The following COL4A2 variants were observed in gnomAD, a reference collection of about 807,000 sequenced individuals.
COL4A2 encodes collagen alpha-2(IV) chain.
A neutral mutation model predicts 200.2 loss-of-function variants in COL4A2; 99 were observed. That is an observed-to-expected ratio of 0.49 (90% CI 0.42 to 0.58). The LOEUF (loss-of-function observed/expected upper bound fraction) is 0.58, where lower values mean the gene tolerates loss of function less well. COL4A2 is among the 20% of genes least tolerant of loss of function. The probability of loss-of-function intolerance (pLI) is 0.00; values close to 1 mark genes in which losing one functional copy is unlikely to be tolerated. For missense variants in COL4A2, 1,950 were observed against 2,314.1 expected, an observed-to-expected ratio of 0.84 and a Z score of 3.23; for synonymous variants, 897 against 900.6, an observed-to-expected ratio of 1.00 and a Z score of 0.07.
At chr13:110,376,537 GT>G (rs1187107387) in intron 4 of COL4A2, among the ~76,000 whole-genome samples, 1 of 151,988 alleles carries the variant, frequency 6.6e-6, no homozygotes, top group African/African-American at 2.4e-5. Context: ...TTTTATATTA[GT>G]TTTGGAAACT....
rs139019434 is a variant in COL4A2 at position 110,337,120 on chromosome 13, T to C, written c.100-20352T>C. 2.3e-3 allele frequency among the ~76,000 whole-genome samples: 350 copies of C among 152,334 alleles called. 2 individuals carry two copies. Among genetic ancestry groups the C allele is most frequent in the South Asian group, 0.023 (110 of 4,824 alleles). On this transcript the variant is annotated intron_variant, in intron 3 of 47. Coordinates refer to ENST00000360467, the MANE Select transcript of COL4A2 (RefSeq NM_001846.4). ...GATGCTGTTTTGTACACGTAGGACG[T>C]ATAATATATGCTCACTGCATTCAAT...
chr13:110,469,561 C>T (rs913757024), intron 28 of COL4A2, among the ~76,000 whole-genome samples: 6 of 152,146 alleles, frequency 3.9e-5, no homozygotes, highest in Non-Finnish European at 7.3e-5. Context: ...ACAGGTGTTT[C>T]GGAATGGCTG....
rs761371212 is a variant in COL4A2 at position 110,465,595 on chromosome 13, C to T, written c.1967C>T (p.Pro656Leu). The T allele has an allele frequency of 1.2e-6, 2 of 1,611,286 alleles. No homozygotes were observed. The highest frequency in any genetic ancestry group is 1.1e-5 in the South Asian group (1 of 90,900). ...GGCCCTCCTGGCCCCGCAGGGACCC[C>T]AGGACAAATAGGTATGAAGGAATCC... ...FLGPPGPAGT[P>L]GQIDCDTDVK... Residue 656 changes from proline to leucine, a missense_variant, in exon 25 of 48, where the codon CCA becomes CTA. By Grantham distance (98) the Pro-to-Leu change is moderately conservative. Coordinates refer to ENST00000360467, the MANE Select transcript of COL4A2 (RefSeq NM_001846.4).
chr13:110,476,682 C>T (rs1472574938), intron 29 of COL4A2, among the ~76,000 whole-genome samples: 1 of 152,224 alleles, frequency 6.6e-6, no homozygotes, highest in Non-Finnish European at 1.5e-5. Context: ...GTGTGCACCT[C>T]CGGTGTTAAT....
intron 20 of COL4A2, among the ~76,000 whole-genome samples, chr13:110,451,858 C>T (rs1476786887): frequency 2.0e-5 from 3 of 152,290 alleles, no homozygotes. Flanking sequence ...CTCCTGCTTT[C>T]GATGTTGTGA....
At chr13:110,345,355 AC>A (rs983504597) in intron 3 of COL4A2, among the ~76,000 whole-genome samples, 12 of 152,302 alleles carry the variant, frequency 7.9e-5, no homozygotes, top group African/African-American at 2.9e-4. Context: ...AGAAAAAGAG[AC>A]TTTGAAAGTG....
At chr13:110,443,398 A>G (rs1313267687) in intron 16 of COL4A2, among the ~76,000 whole-genome samples, 1 of 152,230 alleles carries the variant, frequency 6.6e-6, no homozygotes, top group Non-Finnish European at 1.5e-5. Flanking sequence ...CTAGCCATAC[A>G]TTCTTTTCAT....
At chr13:110,341,360 G>A (rs1159244281) in intron 3 of COL4A2, among the ~76,000 whole-genome samples, 2 of 152,228 alleles carry the variant, frequency 1.3e-5, no homozygotes, top group Non-Finnish European at 2.9e-5. Flanking sequence ...ACTAAGGGTG[G>A]CTGTGGGACT....
At chr13:110,372,136 ATGAATGAT>A (rs1878039771) in intron 4 of COL4A2, among the ~76,000 whole-genome samples, 1 of 152,124 alleles carries the variant, frequency 6.6e-6, no homozygotes, top group Non-Finnish European at 1.5e-5. Flanking sequence ...GGGTATTTTG[ATGAATGAT>A]TGACAACATC....
chr13:110,498,826 G>A (rs955164862), intron 40 of COL4A2, among the ~76,000 whole-genome samples: 18 of 152,180 alleles, frequency 1.2e-4, no homozygotes, highest in African/African-American at 4.1e-4. Flanking sequence ...AAAACTCTCC[G>A]TGACCTCCTG....
intron 4 of COL4A2, among the ~76,000 whole-genome samples, chr13:110,369,326 A>G (rs1877899040): frequency 6.6e-6 from 1 of 152,342 alleles, no homozygotes; most frequent in South Asian, 2.1e-4. Context: ...AACCCTTTTG[A>G]GCACCGACCT....
Position 110,468,427 on chromosome 13 carries a change from T to C in COL4A2, c.2096-790T>C, listed in dbSNP as rs532303080. 23 of 430,880 alleles carry C rather than the reference T, an allele frequency of 5.3e-5. No individual in the cohort carries two copies. In the East Asian group the frequency reaches 1.4e-3, roughly 26 times the overall value. 26.7% of individuals were successfully genotyped at this position (430,880 alleles called of 1,614,324 possible). A position where few individuals can be genotyped will look rare whatever the true frequency, so the allele number is the denominator to read the frequency against. On this transcript the variant is annotated intron_variant, in intron 27 of 47. Coordinates refer to ENST00000360467, the MANE Select transcript of COL4A2 (RefSeq NM_001846.4). ...CAGGGAGAACCAGAGGCCAGCACGC[T>C]CAGCACACACCCAGACTACAGCCGT...
At chr13:110,317,828 T>G (rs2139347746) in intron 3 of COL4A2, among the ~76,000 whole-genome samples, 1 of 152,286 alleles carries the variant, frequency 6.6e-6, no homozygotes, top group Non-Finnish European at 1.5e-5. Flanking sequence ...TAGTCCTAAT[T>G]TAGAGAAAGA....
rs934830501 is a variant in COL4A2, at chr13:110,372,303, A to C, written c.180+14751A>C. On this transcript the variant is annotated intron_variant, in intron 4 of 47. Coordinates refer to ENST00000360467, the MANE Select transcript of COL4A2 (RefSeq NM_001846.4). ...ACCCTTCAACAGACTTTTTTGTTTA[A>C]GAAAATAATAATGTTTCCGTCTCTG... 2.0e-5 allele frequency among the ~76,000 whole-genome samples: 3 copies of C among 152,324 alleles called. No homozygotes were observed. The East Asian group carries it at 5.8e-4, about 29-fold the overall frequency.
At position 110,462,377 on chromosome 13, in the gene COL4A2, G is replaced by T. The variant is rs1171277171; in HGVS notation, c.1769G>T (p.Gly590Val). The change falls in exon 24 of 48, where the codon GGC becomes GTC. Residue 590 changes from glycine to valine, a missense_variant. By Grantham distance (109) the Gly-to-Val change is moderately radical. This residue lies in a region of COL4A2 where 1,385 missense variants were observed against 1,720.5 expected (regional missense o/e 0.80). Transcript: ENST00000360467. ...CTCGATGGATTCCCCGGCCTCCCAG[G>T]CCCTCCCGTGAGTAGCCACAAACTG... ...DGLDGFPGLP[G>V]PPGDGIKGPP... 1 of 1,612,578 alleles carries T rather than the reference G, an allele frequency of 6.2e-7. No individual in the cohort carries two copies. The highest frequency in any genetic ancestry group is 8.5e-7 in the Non-Finnish European group (1 of 1,179,868).
At chr13:110,359,153 TGATA>T (rs1417869877) in intron 4 of COL4A2, among the ~76,000 whole-genome samples, 2 of 152,192 alleles carry the variant, frequency 1.3e-5, no homozygotes, top group Non-Finnish European at 2.9e-5. Context: ...GTGGTCCGTC[TGATA>T]GATAAGTAAG....
intron 27 of COL4A2, among the ~76,000 whole-genome samples, chr13:110,468,777 A>G (rs1476756005): frequency 4.6e-5 from 7 of 152,212 alleles, no homozygotes; most frequent in Non-Finnish European, 1.0e-4. Flanking sequence ...TGGAGCCCAC[A>G]CACTGGGCCA....
chr13:110,485,522 C>CAAAAA (rs34819988), intron 33 of COL4A2, 133 bp from the exon 34 acceptor site: 3 of 360,050 alleles, frequency 8.3e-6, no homozygotes, highest in African/African-American at 3.7e-5. Flanking sequence ...GACTCCGTCT[C>CAAAAA]AAAAAAAAAA....
chr13:110,456,258 G>A (rs971271148), intron 20 of COL4A2: 2 of 178,026 alleles, frequency 1.1e-5, no homozygotes, highest in South Asian at 1.2e-4. Context: ...ATCCAGATTG[G>A]CCACAACATT....
Sources: gnomAD v4.1 joint callset for allele counts (sites outside exome capture counted in the v4.1 genomes callset) on GRCh38, gnomAD v4.1.1 for gene constraint, gnomAD v4.1.1 regional missense constraint, MANE v1.5 for transcripts, NCBI Gene and HGNC (gene_info 2026-07-23, HGNC 2026-07-21) for gene names.